FOXJ3: variants seen among roughly 807,000 people sequenced by gnomAD.
FOXJ3 encodes forkhead box protein J3.
FOXJ3 carries 22 observed loss-of-function variants against 76.1 expected under a neutral mutation model. The observed-to-expected ratio is 0.29, with a 90% CI of 0.21 to 0.41. The LOEUF (loss-of-function observed/expected upper bound fraction) is 0.41. Among genes scored for constraint, FOXJ3 ranks in the 10% least tolerant of loss-of-function variants. The probability of loss-of-function intolerance (pLI) is 1.00; values close to 1 mark genes in which losing one functional copy is unlikely to be tolerated. For missense variants in FOXJ3, 613 were observed against 762.1 expected (o/e 0.80, Z 2.30); for synonymous variants, 269 against 261.2 (o/e 1.03, Z -0.29).
At chr1:42,244,220 A>T (rs910946713) in intron 4 of FOXJ3, among the ~76,000 whole-genome samples, 2 of 152,242 alleles carry the variant, frequency 1.3e-5, no homozygotes, top group African/African-American at 4.8e-5. Flanking sequence ...TACATCAAAA[A>T]AAGCAGACAG....
chr1:42,258,782 A>C (rs934575155), intron 4 of FOXJ3, among the ~76,000 whole-genome samples: 1 of 152,208 alleles, frequency 6.6e-6, no homozygotes, highest in Non-Finnish European at 1.5e-5. Flanking sequence ...CTTGCTTTTA[A>C]ATCATAGTGC....
intron 9 of FOXJ3, among the ~76,000 whole-genome samples, chr1:42,189,965 C>T (rs1017530636): frequency 1.3e-5 from 2 of 152,090 alleles, no homozygotes; most frequent in Admixed American, 1.3e-4. Flanking sequence ...TCCAAGGCAA[C>T]CTTAGGAGAA....
At chr1:42,199,614 C>T (rs115388533) in intron 6 of FOXJ3, among the ~76,000 whole-genome samples, 3,565 of 144,398 alleles carry the variant, frequency 0.025, 142 homozygotes, top group African/African-American at 0.091. Flanking sequence ...GAAATCAAAA[C>T]GAAGCACATA....
At chr1:42,292,697 C>A (rs911096936) in intron 2 of FOXJ3, among the ~76,000 whole-genome samples, 2 of 152,112 alleles carry the variant, frequency 1.3e-5, no homozygotes, top group Non-Finnish European at 2.9e-5. Flanking sequence ...CTGGGAATGA[C>A]GGGTATGTTC....
chr1:42,250,651 T>C (rs1402713223), intron 4 of FOXJ3, among the ~76,000 whole-genome samples: 1 of 151,952 alleles, frequency 6.6e-6, no homozygotes, highest in Non-Finnish European at 1.5e-5. Flanking sequence ...ACCCCGTCTC[T>C]ACTAAAAATA....
At chr1:42,334,710 G>A (rs528057891) in intron 1 of FOXJ3, among the ~76,000 whole-genome samples, 13 of 152,300 alleles carry the variant, frequency 8.5e-5, no homozygotes, top group East Asian at 1.9e-4. Context: ...ATGGAGGGAA[G>A]GAGACGGTCG....
intron 4 of FOXJ3, among the ~76,000 whole-genome samples, chr1:42,235,606 A>G (rs1280425980): frequency 6.7e-6 from 1 of 150,040 alleles, no homozygotes; most frequent in Admixed American, 6.7e-5. Flanking sequence ...TCTGTCAGCC[A>G]TGCTGGAGTG....
intron 3 of FOXJ3, among the ~76,000 whole-genome samples, chr1:42,265,706 A>T (rs375408401): frequency 3.9e-5 from 6 of 152,312 alleles, no homozygotes; most frequent in South Asian, 2.1e-4. Flanking sequence ...TAATTAGTTT[A>T]AAAAATGCTT....
chr1:42,218,128 G>A (rs116682537), intron 5 of FOXJ3, among the ~76,000 whole-genome samples: 115 of 152,172 alleles, frequency 7.6e-4, no homozygotes, highest in African/African-American at 2.7e-3. Flanking sequence ...TTCTTCCTGT[G>A]CTCACTTACA....
At chr1:42,209,240 G>A (rs1453820475) in intron 5 of FOXJ3, among the ~76,000 whole-genome samples, 1 of 152,248 alleles carries the variant, frequency 6.6e-6, no homozygotes, top group East Asian at 1.9e-4. Flanking sequence ...AAAATCAGTA[G>A]CATTTCTATA....
At chr1:42,259,930 T>G (rs1650904048) in intron 4 of FOXJ3, among the ~76,000 whole-genome samples, 1 of 152,182 alleles carries the variant, frequency 6.6e-6, no homozygotes, top group African/African-American at 2.4e-5. Flanking sequence ...GCTTCAGAAG[T>G]GACAAACTCT....
chr1:42,252,920 T>C (rs1165139059), intron 4 of FOXJ3, among the ~76,000 whole-genome samples: 1 of 150,162 alleles, frequency 6.7e-6, no homozygotes, highest in Non-Finnish European at 1.5e-5. Flanking sequence ...GGATGCCCTC[T>C]CTCACCACTC....
intron 9 of FOXJ3, among the ~76,000 whole-genome samples, 180 bp downstream of exon 9, chr1:42,191,123 A>T (rs566258078): frequency 6.6e-6 from 1 of 152,262 alleles, no homozygotes; most frequent in African/African-American, 2.4e-5. Context: ...TGCCACAATA[A>T]ATTTTAATCA....
intron 2 of FOXJ3, among the ~76,000 whole-genome samples, chr1:42,301,581 A>G (rs1006437619): frequency 3.9e-5 from 6 of 152,166 alleles, no homozygotes; most frequent in Admixed American, 3.9e-4. Context: ...TCCAGCTCTG[A>G]AATTCTTTCT....
At chr1:42,307,007 T>C (rs1654511905) in intron 2 of FOXJ3, among the ~76,000 whole-genome samples, 1 of 152,180 alleles carries the variant, frequency 6.6e-6, no homozygotes, top group South Asian at 2.1e-4. Context: ...GTGAACCACA[T>C]TCCTGCTTTG....
At chr1:42,276,564 G>A (rs552400721) in intron 3 of FOXJ3, among the ~76,000 whole-genome samples, 14 of 152,116 alleles carry the variant, frequency 9.2e-5, no homozygotes, top group Middle Eastern at 3.4e-3. Context: ...ACATCATTTC[G>A]TTATAATGTT....
intron 2 of FOXJ3, among the ~76,000 whole-genome samples, chr1:42,279,131 G>A (rs1187044957): frequency 2.0e-5 from 3 of 152,320 alleles, no homozygotes; most frequent in Non-Finnish European, 2.9e-5. Flanking sequence ...AAAAAGTAAG[G>A]TGGAGGCAAG....
intron 4 of FOXJ3, among the ~76,000 whole-genome samples, chr1:42,233,851 G>C (rs1314117909): frequency 6.7e-6 from 1 of 149,516 alleles, no homozygotes; most frequent in Non-Finnish European, 1.5e-5. Flanking sequence ...AGTGGTGAGA[G>C]AGGGCATCCC....
At chr1:42,324,104 G>GTGTATATATAGTGTATATATACACTATA (rs776964079) in intron 1 of FOXJ3, among the ~76,000 whole-genome samples, 1 of 88,946 alleles carries the variant, frequency 1.1e-5, no homozygotes, top group Non-Finnish European at 2.0e-5. Context: ...TATATACTGT[G>GTGTATATATAGTGTATATATACACTATA]TATATACACT....
Sources: gnomAD v4.1 joint callset for allele counts (sites outside exome capture counted in the v4.1 genomes callset) on GRCh38, gnomAD v4.1.1 for gene constraint, MANE v1.5 for transcripts, NCBI Gene and HGNC (gene_info 2026-07-23, HGNC 2026-07-21) for gene names.